The following TMEM131 variants were observed in gnomAD, a reference collection of about 807,000 sequenced individuals.
The protein encoded by TMEM131 is transmembrane protein 131.
In TMEM131, 66 loss-of-function variants were observed where a neutral mutation model predicts 211.6. The ratio of observed to expected loss-of-function variants is 0.31; its 90% CI spans 0.26 to 0.38. The LOEUF is 0.38. TMEM131 is among the 10% of genes least tolerant of loss of function. TMEM131 has a pLI of 1.00. For synonymous variants in TMEM131, 844 were observed against 841.3 expected, an observed-to-expected ratio of 1.00 and a Z score of -0.06; for missense variants, 2,036 against 2,299.3, an observed-to-expected ratio of 0.89 and a Z score of 2.34.
intron 4 of TMEM131, among the ~76,000 whole-genome samples, chr2:97,860,613 C>T (rs1674029043): frequency 6.6e-6 from 1 of 152,152 alleles, no homozygotes; most frequent in Middle Eastern, 3.2e-3. Context: ...AATTTAGTTG[C>T]TCACCTCTAA....
At chr2:97,835,289 T>A (rs981481936) in intron 8 of TMEM131, among the ~76,000 whole-genome samples, 1 of 152,254 alleles carries the variant, frequency 6.6e-6, no homozygotes, top group African/African-American at 2.4e-5. Flanking sequence ...TAACTCAGTC[T>A]TGAAATTTAA....
chr2:97,981,248 G>A (rs1410122442), intron 1 of TMEM131, among the ~76,000 whole-genome samples: 1 of 151,650 alleles, frequency 6.6e-6, no homozygotes, highest in Non-Finnish European at 1.5e-5. Flanking sequence ...CTATATAGGG[G>A]CATTTAGGTC....
intron 5 of TMEM131, among the ~76,000 whole-genome samples, chr2:97,856,036 A>C (rs2105162639): frequency 6.6e-6 from 1 of 152,346 alleles, no homozygotes; most frequent in South Asian, 2.1e-4. Context: ...AGTTTGTCCT[A>C]ATCTTCAGTT....
At chr2:97,995,376 G>T in intron 1 of TMEM131, 100 bp downstream of exon 1, 1 of 1,194,572 alleles carries the variant, frequency 8.4e-7, no homozygotes. Context: ...ACTTTGCGCC[G>T]GAGCCCCGGC....
intron 22 of TMEM131, 89 bp from the exon 23 acceptor site, chr2:97,802,879 G>A: frequency 2.6e-6 from 3 of 1,169,488 alleles, no homozygotes; most frequent in Non-Finnish European, 2.3e-6. Flanking sequence ...ATGTACTTGA[G>A]AAATTTTTTG....
chr2:97,771,969 C>T (rs901167946), intron 33 of TMEM131, among the ~76,000 whole-genome samples: 1 of 152,228 alleles, frequency 6.6e-6, no homozygotes, highest in Admixed American at 6.5e-5. Flanking sequence ...GTGGTTCAAT[C>T]GTCAAGGTCA....
At chr2:97,858,528 T>C (rs971841185) in intron 5 of TMEM131, among the ~76,000 whole-genome samples, 4 of 152,176 alleles carry the variant, frequency 2.6e-5, no homozygotes, top group Non-Finnish European at 4.4e-5. Flanking sequence ...AAGATGTAAT[T>C]AAGGCTCCCA....
chr2:97,992,987 T>C (rs563609628), intron 1 of TMEM131, among the ~76,000 whole-genome samples: 4 of 152,186 alleles, frequency 2.6e-5, no homozygotes, highest in Non-Finnish European at 5.9e-5. Flanking sequence ...AGTTAAGTCA[T>C]ATAGGATGTT....
In TMEM131 at chr2:97,792,777, T is replaced by A. The variant is rs1344470537; in HGVS notation, c.3753A>T (p.Ala1251=). 6.2e-7 allele frequency: 1 copy of A among 1,613,922 alleles called. No homozygotes were observed. The highest frequency in any genetic ancestry group is 1.3e-5 in the African/African-American group (1 of 74,940). ...SSTSSRTSAQ[A]ASSQSANKTS... ...TTTTGTTAGCAGACTGTGAAGAAGCTGCTTGAGCAGAAGTCCTACTAGAGG... is the reference window on the plus strand; with the variant it reads ...TTTTGTTAGCAGACTGTGAAGAAGCAGCTTGAGCAGAAGTCCTACTAGAGG... The change falls in exon 31 of 41, where the codon GCA becomes GCT. Residue 1251 remains alanine, a synonymous_variant. Coordinates refer to ENST00000186436, the MANE Select transcript of TMEM131 (RefSeq NM_015348.2).
intron 2 of TMEM131, among the ~76,000 whole-genome samples, chr2:97,909,156 A>G (rs1161241603): frequency 6.6e-6 from 1 of 152,208 alleles, no homozygotes; most frequent in East Asian, 1.9e-4. Flanking sequence ...AACAGGAATA[A>G]ATAGTTGCCA....
chr2:97,833,282 A>T, intron 11 of TMEM131, 83 bp downstream of exon 11: 1 of 681,340 alleles, frequency 1.5e-6, no homozygotes, highest in Middle Eastern at 4.2e-4. Flanking sequence ...ATTTTAGAAT[A>T]AGGGTTTAAT....
chr2:97,883,687 C>G (rs1675025872), intron 4 of TMEM131, among the ~76,000 whole-genome samples: 1 of 152,094 alleles, frequency 6.6e-6, no homozygotes, highest in South Asian at 2.1e-4. Flanking sequence ...CAGCACTGAT[C>G]ACAAAATAAA....
At chr2:97,891,233 T>C (rs545904581) in intron 3 of TMEM131, among the ~76,000 whole-genome samples, 75 of 152,330 alleles carry the variant, frequency 4.9e-4, no homozygotes, top group African/African-American at 1.5e-3. Context: ...GCTAATATCA[T>C]TGCAGTTTTT....
intron 1 of TMEM131, among the ~76,000 whole-genome samples, chr2:97,974,861 A>G (rs1446894840): frequency 6.6e-6 from 1 of 152,236 alleles, no homozygotes; most frequent in Non-Finnish European, 1.5e-5. Context: ...TTCAGGCAGA[A>G]GGAAATGATA....
chr2:97,797,118 A>G, intron 26 of TMEM131, 132 bp from the exon 27 acceptor site: 1 of 1,053,544 alleles, frequency 9.5e-7, no homozygotes, highest in Non-Finnish European at 1.3e-6. Flanking sequence ...ATACTTTAAG[A>G]ATTCAAAAAT....
intron 9 of TMEM131, 21 bp downstream of exon 9, chr2:97,834,754 T>C (rs1410579988): frequency 1.2e-6 from 2 of 1,609,562 alleles, no homozygotes; most frequent in South Asian, 1.1e-5. Context: ...CAACTTTCGA[T>C]TTCATCAGTT....
chr2:97,844,474 C>T (rs1683334448), intron 5 of TMEM131, among the ~76,000 whole-genome samples: 1 of 152,198 alleles, frequency 6.6e-6, no homozygotes, highest in Non-Finnish European at 1.5e-5. Flanking sequence ...CAGCCTTGTA[C>T]AACAGATGGT....
At chr2:97,985,189 A>G (rs1296129177) in intron 1 of TMEM131, among the ~76,000 whole-genome samples, 1 of 152,202 alleles carries the variant, frequency 6.6e-6, no homozygotes, top group Non-Finnish European at 1.5e-5. Context: ...TTAAAAAAAC[A>G]GAAAAACATA....
At chr2:97,905,697 A>G (rs1676039566) in intron 3 of TMEM131, among the ~76,000 whole-genome samples, 1 of 151,976 alleles carries the variant, frequency 6.6e-6, no homozygotes, top group African/African-American at 2.4e-5. Context: ...ACATTTTTCA[A>G]CTCTAGAGGC....
Sources: gnomAD v4.1 joint callset for allele counts (sites outside exome capture counted in the v4.1 genomes callset) on GRCh38, gnomAD v4.1.1 for gene constraint, MANE v1.5 for transcripts, NCBI Gene and HGNC (gene_info 2026-07-23, HGNC 2026-07-21) for gene names.